Variants in CFAP92 observed in about 807,000 individuals in gnomAD.
CFAP92 encodes the protein cilia and flagella associated protein 92 (putative).
CFAP92 carries 86 observed loss-of-function variants against 106.3 expected under a neutral mutation model. The observed-to-expected ratio is 0.81, with a 90% CI of 0.68 to 0.97. The LOEUF (loss-of-function observed/expected upper bound fraction) is 0.97, where lower values mean the gene tolerates loss of function less well. CFAP92 is among the 50% of genes least tolerant of loss of function. The pLI is 0.00. For missense variants in CFAP92, 1,204 were observed against 1,283.8 expected, an observed-to-expected ratio of 0.94 and a Z score of 0.95; for synonymous variants, 477 against 506.4, an observed-to-expected ratio of 0.94 and a Z score of 0.78.
At chr3:128,983,996 C>T (rs1307301882) in intron 4 of CFAP92, among the ~76,000 whole-genome samples, 1 of 152,080 alleles carries the variant, frequency 6.6e-6, no homozygotes, top group Non-Finnish European at 1.5e-5. Context: ...GCAGAGAAAG[C>T]CAGAGGGCAG....
intron 2 of CFAP92, among the ~76,000 whole-genome samples, chr3:128,989,859 C>G (rs924411391): frequency 1.3e-4 from 20 of 152,180 alleles, no homozygotes; most frequent in African/African-American, 4.8e-4. Flanking sequence ...TAGACCTTTT[C>G]TGATTCAATC....
At chr3:128,923,248 C>T (rs1013980998) in intron 12 of CFAP92, among the ~76,000 whole-genome samples, 3 of 152,182 alleles carry the variant, frequency 2.0e-5, no homozygotes, top group Non-Finnish European at 4.4e-5. Context: ...TCCCCCAGTA[C>T]GAGCCATGGG....
chr3:128,918,940 A>ATTTTTTTTTTTT (rs10573280), intron 12 of CFAP92, among the ~76,000 whole-genome samples: 1 of 105,872 alleles, frequency 9.4e-6, no homozygotes, highest in African/African-American at 3.8e-5. Context: ...CTCAGATTGG[A>ATTTTTTTTTTTT]TTTTTTTTTT....
chr3:128,930,047 T>C (rs1938170814), intron 12 of CFAP92, among the ~76,000 whole-genome samples: 2 of 152,180 alleles, frequency 1.3e-5, no homozygotes, highest in South Asian at 4.1e-4. Context: ...AGGAACATGA[T>C]TTTTTAAAAA....
At chr3:128,912,737 A>G (rs1420472211) in intron 15 of CFAP92, 3 of 904,228 alleles carry the variant, frequency 3.3e-6, no homozygotes, top group African/African-American at 1.6e-5. Flanking sequence ...CTGCACCTGA[A>G]GGGTTGTCGC....
chr3:128,915,678 T>C, intron 13 of CFAP92, 115 bp from the exon 14 acceptor site: 1 of 700,370 alleles, frequency 1.4e-6, no homozygotes, highest in South Asian at 1.9e-5. Flanking sequence ...ACAATGTAAA[T>C]AGTGCATTGA....
At chr3:128,984,633 G>T (rs572922841) in intron 4 of CFAP92, among the ~76,000 whole-genome samples, 2 of 152,232 alleles carry the variant, frequency 1.3e-5, no homozygotes, top group Admixed American at 1.3e-4. Context: ...GCTTGCAGAC[G>T]GCCTATTGTG....
chr3:129,022,758 T>C, the CFAP92 span, among the ~76,000 whole-genome samples: 122 of 152,314 alleles, frequency 8.0e-4, no homozygotes, highest in Middle Eastern at 3.4e-3. Flanking sequence ...GAGTGACAAG[T>C]GTCTCTGCAG....
upstream of CFAP92, chr3:129,002,766 CCTGGGGTAGA>C (rs1944856436): frequency 5.9e-6 from 1 of 168,190 alleles, no homozygotes; most frequent in Non-Finnish European, 1.3e-5. Flanking sequence ...ATCCCTGCCT[CCTGGGGTAGA>C]CTGACAGCTC....
At chr3:128,918,126 T>G (rs1043469525) in intron 12 of CFAP92, among the ~76,000 whole-genome samples, 1 of 152,130 alleles carries the variant, frequency 6.6e-6, no homozygotes, top group African/African-American at 2.4e-5. Context: ...GCAAACTAAT[T>G]GTGAGGGCTT....
upstream of CFAP92, among the ~76,000 whole-genome samples, chr3:128,998,055 T>G (rs1217933685): frequency 6.6e-6 from 1 of 152,258 alleles, no homozygotes; most frequent in Non-Finnish European, 1.5e-5. Context: ...ACAAGAATAC[T>G]GAGATTGTTT....
the CFAP92 span, among the ~76,000 whole-genome samples, chr3:129,025,981 C>A: frequency 6.6e-6 from 1 of 152,220 alleles, no homozygotes; most frequent in East Asian, 1.9e-4. Context: ...TGGAGCCTCC[C>A]GCCTGAGTGC....
Position 128,965,693 on chromosome 3 carries a change from A to G in CFAP92, c.1171T>C (p.Trp391Arg), listed in dbSNP as rs1576555715. The G allele has an allele frequency of 2.5e-6, 1 of 398,816 alleles. No homozygotes were observed. The highest frequency in any genetic ancestry group is 4.4e-6 in the Non-Finnish European group (1 of 226,040). 24.7% of individuals were successfully genotyped at this position (398,816 alleles called of 1,614,324 possible). ...QLAVMPLLAG[W>R]QTVVSRGSEK... ...CTGCCACGACTCACGACAGTTTGCC[A>G]TCCTGGGGGAAATACACCCAGCATT... Residue 391 changes from tryptophan (W) to arginine (R), a missense_variant and splice_region_variant, in exon 9 of 16, where the codon TGG becomes CGG. Trp to Arg is a moderately radical substitution (Grantham distance 101). Coordinates refer to ENST00000645291, the MANE Select transcript of CFAP92 (RefSeq NM_001394090.1).
At chr3:128,956,971 C>G (rs1238088482) in intron 9 of CFAP92, among the ~76,000 whole-genome samples, 1 of 88,444 alleles carries the variant, frequency 1.1e-5, no homozygotes, top group Non-Finnish European at 2.1e-5. Context: ...CAGAGCCAGA[C>G]TCTCTCAAAA....
chr3:128,915,233 C>T lies in CFAP92; in HGVS notation c.3166G>A (p.Val1056Met), dbSNP rs1472634694. ...NSLFANVLEP[V>M]LDRDRWSWDR... Reference sequence around the variant, plus strand: ...CAGCTCCACCTGTCTCGATCCAACACAGGCTCCAGTACATTAGCAAACAGG... The same window carrying T: ...CAGCTCCACCTGTCTCGATCCAACATAGGCTCCAGTACATTAGCAAACAGG... The change falls in exon 15 of 16, where the codon GTG (valine) becomes ATG (methionine). Residue 1056 changes from valine (V) to methionine (M), a missense_variant. Transcript: ENST00000645291. The T allele has an allele frequency of 1.3e-6, 2 of 1,536,182 alleles. No homozygotes were observed. The highest frequency in any genetic ancestry group is 2.0e-5 in the Admixed American group (1 of 51,008).
At chr3:129,000,454 C>A (rs1944670259) in intron 1 of CFAP92, among the ~76,000 whole-genome samples, 1 of 152,228 alleles carries the variant, frequency 6.6e-6, no homozygotes, top group East Asian at 1.9e-4. Context: ...GAGTTATCCA[C>A]AAGGCAAGAT....
chr3:128,975,505 G>A (rs766064914), intron 7 of CFAP92, among the ~76,000 whole-genome samples: 2 of 151,892 alleles, frequency 1.3e-5, no homozygotes, highest in Non-Finnish European at 2.9e-5. Context: ...CAGATGAATG[G>A]ATGGGGATGG....
the CFAP92 span, among the ~76,000 whole-genome samples, chr3:129,019,651 C>T: frequency 3.3e-5 from 5 of 152,162 alleles, no homozygotes; most frequent in East Asian, 1.9e-4. Flanking sequence ...ATGATGGAAA[C>T]GCTTTCTGGC....
At chr3:128,973,697 G>A (rs1942968512) in intron 7 of CFAP92, among the ~76,000 whole-genome samples, 1 of 151,546 alleles carries the variant, frequency 6.6e-6, no homozygotes, top group South Asian at 2.1e-4. Context: ...TGCCTGGAGA[G>A]TAAACCACTA....
Sources: gnomAD v4.1 joint callset for allele counts (sites outside exome capture counted in the v4.1 genomes callset) on GRCh38, gnomAD v4.1.1 for gene constraint, MANE v1.5 for transcripts, NCBI Gene and HGNC (gene_info 2026-07-23, HGNC 2026-07-21) for gene names.